The following RBMS1 variants were observed in gnomAD, a reference collection of about 807,000 sequenced individuals.
The protein encoded by RBMS1 is RNA-binding motif, single-stranded-interacting protein 1.
Under a neutral mutation model 62.3 loss-of-function variants are expected in RBMS1, and 17 were observed. The observed-to-expected ratio is 0.27, with a 90% CI of 0.19 to 0.41. RBMS1 has a LOEUF of 0.41. Ranked by LOEUF, RBMS1 falls within the 10% of genes least tolerant of loss-of-function variation. The pLI, the probability that RBMS1 is intolerant of heterozygous loss-of-function variation, is 1.00. For synonymous variants in RBMS1, 172 were observed against 170.0 expected (o/e 1.01, Z -0.09); for missense variants, 334 against 504.5 (o/e 0.66, Z 3.24).
chr2:160,349,603 G>A (rs1692378771), intron 2 of RBMS1, among the ~76,000 whole-genome samples: 1 of 151,726 alleles, frequency 6.6e-6, no homozygotes, highest in Non-Finnish European at 1.5e-5. Flanking sequence ...GGGAGGGAGA[G>A]AAATATGTAC....
At chr2:160,315,750 C>T (rs1690184506) in intron 3 of RBMS1, among the ~76,000 whole-genome samples, 1 of 152,076 alleles carries the variant, frequency 6.6e-6, no homozygotes, top group Admixed American at 6.6e-5. Flanking sequence ...TTCTTTTTGT[C>T]CTGAACTGAC....
chr2:160,286,977 C>A lies in RBMS1; in HGVS notation c.748G>T (p.Val250Leu). 6.2e-7 allele frequency: 1 copy of A among 1,610,446 alleles called. No homozygotes were observed. The highest frequency in any genetic ancestry group is 8.5e-7 in the Non-Finnish European group (1 of 1,179,036). Residue 250 changes from valine to leucine, a missense_variant, in exon 7 of 14, where the codon GTG becomes TTG. By Grantham distance (32) the Val-to-Leu change is conservative (BLOSUM62 1). Transcript: ENST00000348849. ...NGRPWHREGEVRLAGMTLTYD... is the reference protein window; with the variant it reads ...NGRPWHREGELRLAGMTLTYD... ...TTCAAGAAAGGACTTACAAGTCTCA[C>A]CTCTCCTTCTCTATGCCATGGTCTT...
rs1216435971 is a variant in RBMS1, at chr2:160,407,939, G to C, written c.76-40548C>G. 10 of 979,256 alleles carry C rather than the reference G, an allele frequency of 1.0e-5. No individual in the cohort carries two copies. In the East Asian group the frequency reaches 1.2e-3, roughly 113 times the overall value. The allele number at this position is 979,256 out of a possible 1,614,324, so 60.7% of individuals were successfully genotyped here. On this transcript the variant is annotated intron_variant, in intron 1 of 13. Coordinates refer to ENST00000348849, the MANE Select transcript of RBMS1 (RefSeq NM_016836.4). Reference sequence around the variant, plus strand: ...CGGCCGGGGGCGGGGAGGCGGCAGCGCACCGCCTCGCGCCGCGCCCAGGCC... The same window carrying C: ...CGGCCGGGGGCGGGGAGGCGGCAGCCCACCGCCTCGCGCCGCGCCCAGGCC...
At chr2:160,476,928 T>A (rs1029674580) in intron 1 of RBMS1, among the ~76,000 whole-genome samples, 2 of 152,210 alleles carry the variant, frequency 1.3e-5, no homozygotes, top group African/African-American at 4.8e-5. Flanking sequence ...TTACTGTTTA[T>A]AAAGTACGAT....
intron 1 of RBMS1, among the ~76,000 whole-genome samples, chr2:160,437,449 G>A (rs1405867598): frequency 2.0e-5 from 3 of 152,206 alleles, no homozygotes; most frequent in Non-Finnish European, 4.4e-5. Flanking sequence ...AAAATTGCCA[G>A]TTCTGTCAGA....
chr2:160,388,541 C>T (rs1033408472), intron 1 of RBMS1, among the ~76,000 whole-genome samples: 1 of 152,166 alleles, frequency 6.6e-6, no homozygotes, highest in Non-Finnish European at 1.5e-5. Flanking sequence ...GGCACTCTAG[C>T]TCTGGGTCCG....
intron 1 of RBMS1, among the ~76,000 whole-genome samples, chr2:160,429,705 TA>T (rs1682809043): frequency 6.6e-6 from 1 of 152,232 alleles, no homozygotes; most frequent in Non-Finnish European, 1.5e-5. Context: ...TAAGCATTCT[TA>T]TTCATTGGGA....
At chr2:160,305,897 G>A (rs924010929) in intron 4 of RBMS1, among the ~76,000 whole-genome samples, 3 of 152,046 alleles carry the variant, frequency 2.0e-5, no homozygotes, top group African/African-American at 7.3e-5. Context: ...TCCCAGTATA[G>A]GCCAAGGTGG....
chr2:160,400,673 T>C (rs1695389378), intron 1 of RBMS1, among the ~76,000 whole-genome samples: 1 of 152,170 alleles, frequency 6.6e-6, no homozygotes, highest in African/African-American at 2.4e-5. Context: ...CACTAACTCA[T>C]GTACATAAAT....
intron 2 of RBMS1, among the ~76,000 whole-genome samples, chr2:160,336,167 T>A (rs949598973): frequency 6.6e-6 from 1 of 152,160 alleles, no homozygotes; most frequent in Admixed American, 6.5e-5. Flanking sequence ...AAACTAGGCA[T>A]ACACATCTGG....
chr2:160,284,731 G>A lies in RBMS1; in HGVS notation c.900+44C>T, dbSNP rs371232308. On this transcript the variant is annotated intron_variant, in intron 9 of 13. Coordinates refer to ENST00000348849, the MANE Select transcript of RBMS1 (RefSeq NM_016836.4). ...CATAAAAATGTAGCAGAGATTCATG[G>A]TCCGCAAGTGGTTATACTGCTGACG... The A allele has an allele frequency of 8.1e-6, 11 of 1,352,906 alleles. No individual in the cohort carries two copies. The African/African-American group carries it at 1.6e-4, about 19-fold the overall frequency. 83.8% of individuals were successfully genotyped at this position (1,352,906 alleles called of 1,614,324 possible).
intron 1 of RBMS1, among the ~76,000 whole-genome samples, chr2:160,389,643 A>G (rs184279508): frequency 7.7e-6 from 1 of 130,706 alleles, no homozygotes; most frequent in Non-Finnish European, 1.6e-5. Context: ...GGTTGCAGTG[A>G]GCCAAGTTTG....
intron 1 of RBMS1, among the ~76,000 whole-genome samples, chr2:160,466,571 C>G (rs765452789): frequency 6.6e-6 from 1 of 152,264 alleles, no homozygotes; most frequent in South Asian, 2.1e-4. Context: ...CCAACATGTA[C>G]ACAACACACA....
At chr2:160,485,133 A>G (rs1685545528) in intron 1 of RBMS1, among the ~76,000 whole-genome samples, 1 of 152,066 alleles carries the variant, frequency 6.6e-6, no homozygotes, top group African/African-American at 2.4e-5. Flanking sequence ...AATTAGGGGG[A>G]AAAGGGAACG....
chr2:160,282,186 T>C (rs1688134813), intron 9 of RBMS1: 3 of 1,283,786 alleles, frequency 2.3e-6, no homozygotes, highest in Non-Finnish European at 3.2e-6. Context: ...TTATCCCCTA[T>C]TGTTAACTTC....
At chr2:160,340,231 G>C (rs1402298668) in intron 2 of RBMS1, among the ~76,000 whole-genome samples, 1 of 151,942 alleles carries the variant, frequency 6.6e-6, no homozygotes, top group Non-Finnish European at 1.5e-5. Context: ...AAGGACTATA[G>C]GTTAAAATAC....
At chr2:160,322,471 G>A (rs1380995119) in intron 2 of RBMS1, among the ~76,000 whole-genome samples, 1 of 152,236 alleles carries the variant, frequency 6.6e-6, no homozygotes, top group Non-Finnish European at 1.5e-5. Flanking sequence ...TAGAAAAAGA[G>A]TGATTTCTGA....
At chr2:160,425,630 CA>C (rs1348866718) in intron 1 of RBMS1, among the ~76,000 whole-genome samples, 1 of 152,122 alleles carries the variant, frequency 6.6e-6, no homozygotes, top group Non-Finnish European at 1.5e-5. Flanking sequence ...TGGCAGTAGA[CA>C]GTAAGAAGCA....
At chr2:160,444,408 A>C (rs142428771) in intron 1 of RBMS1, among the ~76,000 whole-genome samples, 1 of 152,336 alleles carries the variant, frequency 6.6e-6, no homozygotes, top group East Asian at 1.9e-4. Flanking sequence ...ATTTATTAAT[A>C]ATAACTAACT....
Sources: allele counts gnomAD v4.1 joint callset (sites outside exome capture counted in the v4.1 genomes callset), GRCh38; gene constraint gnomAD v4.1.1; transcripts MANE v1.5; gene names NCBI Gene and HGNC (gene_info 2026-07-23, HGNC 2026-07-21).